PUS7: variants seen among roughly 807,000 people sequenced by gnomAD.
The protein encoded by PUS7 is pseudouridylate synthase 7 homolog.
PUS7 carries 48 observed loss-of-function variants against 79.8 expected under a neutral mutation model. The ratio of observed to expected loss-of-function variants is 0.60; its 90% CI spans 0.48 to 0.76. PUS7 has a LOEUF of 0.76. PUS7 is among the 30% of genes least tolerant of loss of function. The pLI is 0.00. For missense variants in PUS7, 729 were observed against 797.6 expected (o/e 0.91, Z 1.04); for synonymous variants, 286 against 272.2 (o/e 1.05, Z -0.50).
intron 4 of PUS7, 27 bp downstream of exon 4, chr7:105,505,928 T>C (rs1825436071): frequency 1.3e-6 from 2 of 1,551,262 alleles, no homozygotes; most frequent in African/African-American, 2.7e-5. Flanking sequence ...CCCTAAATAA[T>C]TTTTCATATA....
chr7:105,494,692 G>A (rs1824933902), intron 6 of PUS7, among the ~76,000 whole-genome samples: 1 of 152,040 alleles, frequency 6.6e-6, no homozygotes, highest in Non-Finnish European at 1.5e-5. Flanking sequence ...ACAGGTGTGA[G>A]CCACTGCGCC....
intron 1 of PUS7, among the ~76,000 whole-genome samples, chr7:105,512,953 A>G (rs1825756349): frequency 6.6e-6 from 1 of 152,202 alleles, no homozygotes; most frequent in Admixed American, 6.6e-5. Flanking sequence ...AAGGGGAAAT[A>G]CTTCAGGATG....
intron 7 of PUS7, among the ~76,000 whole-genome samples, chr7:105,483,200 C>CAG (rs1824401126): frequency 6.6e-6 from 1 of 151,400 alleles, no homozygotes; most frequent in Non-Finnish European, 1.5e-5. Flanking sequence ...GAGACAGTCT[C>CAG]TCTCTGTTGC....
chr7:105,499,819 A>C (rs1825178190), intron 5 of PUS7, among the ~76,000 whole-genome samples: 1 of 152,208 alleles, frequency 6.6e-6, no homozygotes, highest in African/African-American at 2.4e-5. Context: ...AAAAACTGTA[A>C]ATTACAAAGC....
In PUS7 at chr7:105,472,164, A is replaced by G; in HGVS notation, c.1205T>C (p.Val402Ala). Residue 402 changes from valine to alanine, a missense_variant, in exon 10 of 16, where the codon GTC becomes GCC. Transcript: ENST00000469408. Reference sequence around the variant, plus strand: ...GCGGGGTTTCAATATTAAATCCATGACTTCTGTCCAGGAATTTTGTAGTAT... The same window carrying G: ...GCGGGGTTTCAATATTAAATCCATGGCTTCTGTCCAGGAATTTTGTAGTAT... ...RAILQNSWTE[V>A]MDLILKPRSG... The G allele has an allele frequency of 6.2e-7, 1 of 1,600,574 alleles. No individual in the cohort carries two copies. The highest frequency in any genetic ancestry group is 8.6e-7 in the Non-Finnish European group (1 of 1,169,366).
chr7:105,521,125 CT>C (rs925865361), intron 1 of PUS7, among the ~76,000 whole-genome samples: 2 of 135,330 alleles, frequency 1.5e-5, no homozygotes, highest in African/African-American at 5.0e-5. Flanking sequence ...TAACCAACCC[CT>C]TTTCAATAGT....
chr7:105,503,349 A>T (rs1259503276), intron 4 of PUS7, among the ~76,000 whole-genome samples: 6 of 152,296 alleles, frequency 3.9e-5, no homozygotes, highest in African/African-American at 1.4e-4. Context: ...CCTTTGAACA[A>T]TCCAACCTAC....
intron 4 of PUS7, among the ~76,000 whole-genome samples, chr7:105,504,413 C>A (rs1825375806): frequency 1.3e-5 from 2 of 152,102 alleles, no homozygotes; most frequent in African/African-American, 4.8e-5. Flanking sequence ...AAAAAATCCA[C>A]CAAACTACAT....
intron 14 of PUS7, among the ~76,000 whole-genome samples, chr7:105,461,399 T>C (rs1035218849): frequency 6.6e-6 from 1 of 152,174 alleles, no homozygotes; most frequent in African/African-American, 2.4e-5. Context: ...TTCTTTTCTT[T>C]TTTTAGAGAC....
At position 105,511,857 on chromosome 7, in the gene PUS7, T is replaced by A. The variant is rs944632363; in HGVS notation, c.-32-3313A>T. Among the ~76,000 whole-genome samples the A allele has an allele frequency of 4.0e-5, 6 of 150,572 alleles. No individual in the cohort carries two copies. The East Asian group carries it at 1.2e-3, about 30-fold the overall frequency. On this transcript the variant is annotated intron_variant, in intron 1 of 15. Transcript: ENST00000469408. ...TGAAAAAAATGTCAGTTAAAACAAT[T>A]TCTGGCGGCCTGGTGCAGTGGCTCA...
intron 11 of PUS7, 77 bp downstream of exon 11, chr7:105,470,611 G>T: frequency 7.0e-7 from 1 of 1,430,044 alleles, no homozygotes; most frequent in Non-Finnish European, 9.4e-7. Flanking sequence ...TCAAAGTTTA[G>T]TAAAATCTTT....
chr7:105,521,874 C>A lies in PUS7; in HGVS notation c.-33+178G>T, dbSNP rs551250880. On this transcript the variant is annotated intron_variant, in intron 1 of 15. Transcript: ENST00000469408. Reference sequence around the variant, plus strand: ...AGCGCAGGACCCACTGGGTTCCAACCGTGCTCCCGCTGGCACGATCCATAA... The same window carrying A: ...AGCGCAGGACCCACTGGGTTCCAACAGTGCTCCCGCTGGCACGATCCATAA... 4.6e-5 allele frequency among the ~76,000 whole-genome samples: 7 copies of A among 152,116 alleles called. No individual in the cohort carries two copies. The East Asian group carries it at 1.4e-3, about 30-fold the overall frequency.
chr7:105,458,558 C>T (rs1408255038), intron 15 of PUS7, among the ~76,000 whole-genome samples: 2 of 150,902 alleles, frequency 1.3e-5, no homozygotes, highest in African/African-American at 2.4e-5. Flanking sequence ...TGAGCCACCA[C>T]GCCCAGCCAC....
rs1337905585 is a variant in PUS7, at chr7:105,461,396, CT to C, written c.1757+1224del. On this transcript the variant is annotated intron_variant, in intron 14 of 15. Transcript: ENST00000469408. ...TCAAAACAGCTTCTTTATTTCTTTT[CT>C]TTTTTTAGAGACAGGGTCTCACTAT... Among the ~76,000 whole-genome samples the C allele has an allele frequency of 7.9e-4, 120 of 152,026 alleles. 1 individual carries two copies. Among genetic ancestry groups the C allele is most frequent in the Admixed American group, 7.9e-3 (120 of 15,252 alleles).
At chr7:105,478,523 C>T (rs1253738842) in intron 9 of PUS7, among the ~76,000 whole-genome samples, 1 of 152,178 alleles carries the variant, frequency 6.6e-6, no homozygotes, top group African/African-American at 2.4e-5. Context: ...TAAGAAGTGG[C>T]ATCTCACTGT....
rs77976962 is a variant in PUS7 at position 105,458,087 on chromosome 7, G to C, written c.1850-161C>G. Among the ~76,000 whole-genome samples, 233 of 152,276 alleles carry C rather than the reference G, an allele frequency of 1.5e-3. 1 individual carries two copies. Among genetic ancestry groups the C allele is most frequent in the Non-Finnish European group, 2.2e-3 (148 of 68,024 alleles). On this transcript the variant is annotated intron_variant, in intron 15 of 15. Transcript: ENST00000469408. ...ATGAGACCATGGAAGTAAGAGATCT[G>C]TGAGTGTGAACCTGCTGAATGGTTA...
intron 2 of PUS7, among the ~76,000 whole-genome samples, chr7:105,506,485 C>T (rs1277430919): frequency 2.0e-5 from 3 of 148,810 alleles, no homozygotes; most frequent in Admixed American, 6.7e-5. Flanking sequence ...TGCAGTGGCT[C>T]GATCTCCACT....
At position 105,481,066 on chromosome 7, in the gene PUS7, C is replaced by T. The variant is rs773811748; in HGVS notation, c.1161G>A (p.Thr387=). Residue 387 remains threonine (T), a synonymous_variant, in exon 9 of 16, where the codon ACG becomes ACA. Coordinates refer to ENST00000469408, the MANE Select transcript of PUS7 (RefSeq NM_019042.5). ...TAAATACCAACCTTCCAACCTGATA[C>T]GTAGGGACAGCTGTGGTTCCAAATC... is the stretch of plus-strand genomic sequence containing the variant. ...MQRFGTTAVP[T]YQVGRAILQN... is the part of the protein sequence containing the mutation. 2.1e-5 allele frequency: 34 copies of T among 1,610,254 alleles called. No individual in the cohort carries two copies. The East Asian group carries it at 2.2e-4, about 11-fold the overall frequency.
At position 105,457,700 on chromosome 7, in the gene PUS7, C is replaced by A; in HGVS notation, c.*90G>T. On this transcript the variant is annotated 3_prime_UTR_variant, in exon 16 of 16. Transcript: ENST00000469408. ...ATTTTTATTACAAAGATTTGAAATC[C>A]ATATATGAGTCTGAACTAAGACAAA... The A allele has an allele frequency of 8.4e-7, 1 of 1,194,568 alleles. No homozygotes were observed. The highest frequency in any genetic ancestry group is 1.1e-6 in the Non-Finnish European group (1 of 871,116). The allele number at this position is 1,194,568 out of a possible 1,614,324, so 74.0% of individuals were successfully genotyped here. A position where few individuals can be genotyped will look rare whatever the true frequency, so the allele number is the denominator to read the frequency against.
Sources: gnomAD v4.1 joint callset for allele counts (sites outside exome capture counted in the v4.1 genomes callset) on GRCh38, gnomAD v4.1.1 for gene constraint, MANE v1.5 for transcripts, NCBI Gene and HGNC (gene_info 2026-07-23, HGNC 2026-07-21) for gene names.